The following SYT16 variants were observed in gnomAD, a reference collection of about 807,000 sequenced individuals.
SYT16 encodes synaptotagmin-16.
A neutral mutation model predicts 61.4 loss-of-function variants in SYT16; 42 were observed. The ratio of observed to expected loss-of-function variants is 0.68; its 90% CI spans 0.53 to 0.89. SYT16 has a LOEUF of 0.89. Among genes scored for constraint, SYT16 ranks in the 40% least tolerant of loss-of-function variants. SYT16 has a pLI of 0.00. For synonymous variants in SYT16, 314 were observed against 302.3 expected, an observed-to-expected ratio of 1.04 and a Z score of -0.40; for missense variants, 804 against 807.3, an observed-to-expected ratio of 1.00 and a Z score of 0.05.
At chr14:62,072,571 G>T (rs560200098) in intron 4 of SYT16, among the ~76,000 whole-genome samples, 12 of 152,294 alleles carry the variant, frequency 7.9e-5, no homozygotes, top group Admixed American at 1.3e-4. Flanking sequence ...GGGAACTTCA[G>T]TTCTCTTAAG....
chr14:61,833,447 C>A (rs566205910), intron 1 of SYT16, among the ~76,000 whole-genome samples: 1 of 152,026 alleles, frequency 6.6e-6, no homozygotes, highest in East Asian at 1.9e-4. Flanking sequence ...CATGGGCCAC[C>A]ATGCCCATCT....
chr14:61,962,555 G>A (rs2051157325), intron 1 of SYT16, among the ~76,000 whole-genome samples: 1 of 151,970 alleles, frequency 6.6e-6, no homozygotes, highest in Non-Finnish European at 1.5e-5. Context: ...GTTCCTCCCA[G>A]TATTTAGGAA....
chr14:61,859,677 G>A (rs762139674), intron 1 of SYT16, among the ~76,000 whole-genome samples: 11 of 151,894 alleles, frequency 7.2e-5, no homozygotes, highest in Non-Finnish European at 1.5e-4. Context: ...CCCAGACAAT[G>A]TAGCCTCCTC....
At chr14:61,897,682 C>T (rs191507953) in intron 1 of SYT16, among the ~76,000 whole-genome samples, 80 of 152,124 alleles carry the variant, frequency 5.3e-4, no homozygotes, top group Admixed American at 8.5e-4. Flanking sequence ...CTGATTTGCT[C>T]CCCAAGTCAA....
At chr14:61,820,642 C>A (rs543959343) in intron 1 of SYT16, among the ~76,000 whole-genome samples, 29 of 152,022 alleles carry the variant, frequency 1.9e-4, no homozygotes, top group African/African-American at 6.5e-4. Context: ...CCACCATGCC[C>A]AGCTAACTTT....
intron 2 of SYT16, among the ~76,000 whole-genome samples, chr14:61,984,385 G>A (rs1416552331): frequency 6.6e-6 from 1 of 152,050 alleles, no homozygotes; most frequent in Non-Finnish European, 1.5e-5. Context: ...ATTTTATGTG[G>A]GACTGTGCTT....
At chr14:61,978,610 C>T (rs2051921326) in intron 2 of SYT16, among the ~76,000 whole-genome samples, 1 of 152,162 alleles carries the variant, frequency 6.6e-6, no homozygotes, top group Admixed American at 6.5e-5. Flanking sequence ...AAAGGTGTGG[C>T]CAGGTGGAGA....
In SYT16 at chr14:62,110,223, A is replaced by T. The variant is rs923507436; in HGVS notation, c.*9516A>T. ...TCTGATATCAAATCTTCCACTAATGAGCTCTAAAATGAATATCAAGTCACA... is the reference window on the plus strand; with the variant it reads ...TCTGATATCAAATCTTCCACTAATGTGCTCTAAAATGAATATCAAGTCACA... On this transcript the variant is annotated 3_prime_UTR_variant, in exon 8 of 8. Coordinates refer to ENST00000683842, the MANE Select transcript of SYT16 (RefSeq NM_001367656.1). 1 of 152,160 alleles carries T rather than the reference A, an allele frequency of 6.6e-6. No individual in the cohort carries two copies. The highest frequency in any genetic ancestry group is 2.4e-5 in the African/African-American group (1 of 41,444). 9.4% of individuals were successfully genotyped at this position (152,160 alleles called of 1,614,324 possible). A position where few individuals can be genotyped will look rare whatever the true frequency, so the allele number is the denominator to read the frequency against.
At chr14:61,963,975 T>C (rs2051210264) in intron 1 of SYT16, among the ~76,000 whole-genome samples, 1 of 152,174 alleles carries the variant, frequency 6.6e-6, no homozygotes, top group South Asian at 2.1e-4. Context: ...TACTGAATAT[T>C]GTAAACCCGC....
intron 1 of SYT16, among the ~76,000 whole-genome samples, chr14:61,937,272 C>T (rs1440925152): frequency 2.0e-5 from 3 of 152,188 alleles, no homozygotes; most frequent in Non-Finnish European, 2.9e-5. Flanking sequence ...GGCAACCATG[C>T]CTTGCAGTTT....
chr14:62,100,661 C>G lies in SYT16; in HGVS notation c.1892C>G (p.Thr631Ser), dbSNP rs1373796718. 2.5e-6 allele frequency: 4 copies of G among 1,613,790 alleles called. No homozygotes were observed. The change falls in exon 8 of 8, where the codon ACC becomes AGC. Residue 631 changes from threonine to serine, a missense_variant. Transcript: ENST00000683842. ...GATCACTGGGAGGAGATGAAGGAAA[C>G]CAAAGGCCAGCAGATCTGCAGATGG... ...EQDHWEEMKE[T>S]KGQQICRWHT...
rs1292856261 is a variant in SYT16, at chr14:62,107,259, T to A, written c.*6552T>A. On this transcript the variant is annotated 3_prime_UTR_variant, in exon 8 of 8. Coordinates refer to ENST00000683842, the MANE Select transcript of SYT16 (RefSeq NM_001367656.1). ...GTCCAGCCTGGGCAACATAGTGAGA[T>A]CTTGTCTCTACAAAATACCAAACAT... 1 of 152,044 alleles carries A rather than the reference T, an allele frequency of 6.6e-6. No individual in the cohort carries two copies. Among genetic ancestry groups the A allele is most frequent in the East Asian group, 1.9e-4 (1 of 5,156 alleles). 9.4% of individuals were successfully genotyped at this position (152,044 alleles called of 1,614,324 possible). A position where few individuals can be genotyped will look rare whatever the true frequency, so the allele number is the denominator to read the frequency against.
chr14:62,097,965 GA>G (rs1189694380), intron 7 of SYT16, among the ~76,000 whole-genome samples: 2 of 152,178 alleles, frequency 1.3e-5, no homozygotes, highest in Non-Finnish European at 2.9e-5. Flanking sequence ...TTGGTTTTCT[GA>G]CAGCTTTTTC....
intron 3 of SYT16, among the ~76,000 whole-genome samples, chr14:62,027,460 G>A (rs1180646764): frequency 6.6e-6 from 1 of 152,198 alleles, no homozygotes; most frequent in African/African-American, 2.4e-5. Context: ...TATAAGCAAA[G>A]CTTTTACATC....
At chr14:61,968,188 G>C (rs891251600) in intron 1 of SYT16, among the ~76,000 whole-genome samples, 8 of 152,142 alleles carry the variant, frequency 5.3e-5, no homozygotes, top group Admixed American at 4.6e-4. Flanking sequence ...TTAAACTCAG[G>C]AGGCGGAGGT....
At chr14:61,976,773 C>T (rs989103264) in intron 2 of SYT16, among the ~76,000 whole-genome samples, 1 of 152,110 alleles carries the variant, frequency 6.6e-6, no homozygotes. Flanking sequence ...CTCTGACATG[C>T]CCTGGAGACA....
rs1033232928 is a variant in SYT16 at position 62,105,871 on chromosome 14, T to C, written c.*5164T>C. On this transcript the variant is annotated 3_prime_UTR_variant, in exon 8 of 8. Transcript: ENST00000683842. Reference sequence around the variant, plus strand: ...CAAATTGCCAAAGCACTGTTTTGAGTCCTCGGTATCCCAATTAAGGAGAAA... The same window carrying C: ...CAAATTGCCAAAGCACTGTTTTGAGCCCTCGGTATCCCAATTAAGGAGAAA... 6 of 152,150 alleles carry C rather than the reference T, an allele frequency of 3.9e-5. No individual in the cohort carries two copies. The highest frequency in any genetic ancestry group is 1.2e-4 in the African/African-American group (5 of 41,416). The allele number at this position is 152,150 out of a possible 1,614,324, so 9.4% of individuals were successfully genotyped here.
intron 3 of SYT16, among the ~76,000 whole-genome samples, chr14:62,011,920 C>CATATATATATATATATATATATATATAT (rs1165099592): frequency 1.2e-4 from 13 of 104,582 alleles, no homozygotes; most frequent in African/African-American, 5.5e-4. Flanking sequence ...TATACACACA[C>CATATATATATATATATATATATATATAT]ACACACATAT....
chr14:62,009,261 T>G (rs754868221), intron 3 of SYT16, among the ~76,000 whole-genome samples: 17 of 152,162 alleles, frequency 1.1e-4, no homozygotes, highest in African/African-American at 3.9e-4. Context: ...CCTTTGAAAC[T>G]TTAATGAAAG....
Sources: allele counts gnomAD v4.1 joint callset (sites outside exome capture counted in the v4.1 genomes callset), GRCh38; gene constraint gnomAD v4.1.1; transcripts MANE v1.5; gene names NCBI Gene and HGNC (gene_info 2026-07-23, HGNC 2026-07-21).